The following RXRG variants were observed in gnomAD, a reference collection of about 807,000 sequenced individuals.
RXRG encodes retinoid X receptor gamma, also known as retinoic acid receptor RXR-gamma.
RXRG carries 19 observed loss-of-function variants against 49.2 expected under a neutral mutation model. That is an observed-to-expected ratio of 0.39 (90% CI 0.27 to 0.57). The LOEUF (loss-of-function observed/expected upper bound fraction) is 0.57, where lower values mean the gene tolerates loss of function less well. RXRG is among the 20% of genes least tolerant of loss of function. The probability of loss-of-function intolerance (pLI) is 0.64; values close to 1 mark genes in which losing one functional copy is unlikely to be tolerated. For synonymous variants in RXRG, 224 were observed against 216.6 expected (o/e 1.03, Z -0.30); for missense variants, 452 against 592.5 (o/e 0.76, Z 2.46).
chr1:165,440,060 GC>G (rs1003124323), intron 1 of RXRG, among the ~76,000 whole-genome samples: 58 of 152,280 alleles, frequency 3.8e-4, no homozygotes, highest in African/African-American at 1.3e-3. Flanking sequence ...AGTGAGAAAG[GC>G]CAGGGTCAAA....
At position 165,428,766 on chromosome 1, in the gene RXRG, G is replaced by A. The variant is rs776054493; in HGVS notation, c.250C>T (p.Leu84Phe). ...AAGTTGATTCCTGGAGGCGCTGCAA[G>A]TGCTCCTGAGGGTGGGCCCATGGCA... ...TSAMGPPSGALAAPPGINLVA... is the reference protein window; with the variant it reads ...TSAMGPPSGAFAAPPGINLVA... Residue 84 changes from leucine (L) to phenylalanine (F), a missense_variant, in exon 2 of 10, where the codon CTT becomes TTT. Around this residue, in one of 2 missense-constraint regions of RXRG, gnomAD observed 166 missense variants for 151.7 expected, o/e 1.09. Coordinates refer to ENST00000359842, the MANE Select transcript of RXRG (RefSeq NM_006917.5). 3 of 1,607,340 alleles carry A rather than the reference G, an allele frequency of 1.9e-6. No homozygotes were observed. Among genetic ancestry groups the A allele is most frequent in the Non-Finnish European group, 1.7e-6 (2 of 1,174,490 alleles).
intron 1 of RXRG, among the ~76,000 whole-genome samples, chr1:165,432,210 G>A (rs999924373): frequency 2.0e-5 from 3 of 152,208 alleles, no homozygotes; most frequent in Non-Finnish European, 4.4e-5. Flanking sequence ...ACTGAGAGCA[G>A]TGGTGAGAAT....
At chr1:165,431,190 CTG>C (rs764471244) in intron 1 of RXRG, among the ~76,000 whole-genome samples, 1 of 152,182 alleles carries the variant, frequency 6.6e-6, no homozygotes, top group Non-Finnish European at 1.5e-5. Flanking sequence ...ACGCTCTCCT[CTG>C]TGTTTGTTAT....
At chr1:165,423,284 C>G in intron 2 of RXRG, among the ~76,000 whole-genome samples, 1 of 152,232 alleles carries the variant, frequency 6.6e-6, no homozygotes, top group Non-Finnish European at 1.5e-5. Flanking sequence ...GAAATAAGCA[C>G]TTTAGAGCCG....
chr1:165,410,671 C>T (rs772934849), intron 6 of RXRG, 31 bp downstream of exon 6: 3 of 1,610,564 alleles, frequency 1.9e-6, no homozygotes, highest in Non-Finnish European at 2.5e-6. Flanking sequence ...TCAAAATTGT[C>T]CCAGGAAAAA....
intron 1 of RXRG, among the ~76,000 whole-genome samples, chr1:165,443,567 A>T (rs375669206): frequency 6.6e-6 from 1 of 152,216 alleles, no homozygotes; most frequent in Non-Finnish European, 1.5e-5. Context: ...CACATCATGC[A>T]GTATTATAAT....
chr1:165,408,441 G>T, intron 7 of RXRG, 123 bp from the exon 8 acceptor site: 1 of 689,416 alleles, frequency 1.5e-6, no homozygotes, highest in East Asian at 2.6e-5. Flanking sequence ...CCAGTTACTA[G>T]GGGTACAGAA....
chr1:165,415,783 C>T (rs556312187), intron 4 of RXRG, among the ~76,000 whole-genome samples: 2 of 152,258 alleles, frequency 1.3e-5, no homozygotes, highest in Non-Finnish European at 2.9e-5. Context: ...TTGGGTCTCT[C>T]ACTTTTGAGG....
chr1:165,439,879 G>A (rs1407455703), intron 1 of RXRG, among the ~76,000 whole-genome samples: 1 of 152,220 alleles, frequency 6.6e-6, no homozygotes, highest in Admixed American at 6.5e-5. Context: ...TGAATATGCT[G>A]ATAATAATTC....
chr1:165,421,620 C>T (rs940233432), intron 2 of RXRG, among the ~76,000 whole-genome samples: 1 of 151,744 alleles, frequency 6.6e-6, no homozygotes, highest in Non-Finnish European at 1.5e-5. Flanking sequence ...AACTTCACCT[C>T]CCTGGTTCAA....
At chr1:165,414,228 A>G (rs1347299106) in intron 4 of RXRG, among the ~76,000 whole-genome samples, 5 of 152,020 alleles carry the variant, frequency 3.3e-5, no homozygotes, top group Non-Finnish European at 4.4e-5. Context: ...AATTTTTACT[A>G]CTCAGCTTTT....
At chr1:165,423,527 C>T (rs1272265992) in intron 2 of RXRG, among the ~76,000 whole-genome samples, 1 of 152,192 alleles carries the variant, frequency 6.6e-6, no homozygotes, top group Admixed American at 6.5e-5. Context: ...CACTCCCGTT[C>T]CAGGGAGCAG....
intron 9 of RXRG, among the ~76,000 whole-genome samples, chr1:165,403,554 T>C (rs1657651746): frequency 6.6e-6 from 1 of 152,226 alleles, no homozygotes. Context: ...TAAAGATCTA[T>C]GCCAATGCTA....
chr1:165,440,834 G>T (rs1002009104), intron 1 of RXRG, among the ~76,000 whole-genome samples: 1 of 152,172 alleles, frequency 6.6e-6, no homozygotes, highest in African/African-American at 2.4e-5. Context: ...AAGAGGTGGG[G>T]CATTTAGATT....
intron 1 of RXRG, among the ~76,000 whole-genome samples, chr1:165,442,053 C>T (rs1438124361): frequency 1.3e-5 from 2 of 152,184 alleles, no homozygotes; most frequent in African/African-American, 4.8e-5. Flanking sequence ...CCTGGAGATT[C>T]TTATACAAAT....
intron 1 of RXRG, among the ~76,000 whole-genome samples, chr1:165,443,628 C>T (rs982988274): frequency 6.6e-6 from 1 of 152,194 alleles, no homozygotes; most frequent in African/African-American, 2.4e-5. Flanking sequence ...GACTGTGTCT[C>T]ATTCATATTT....
chr1:165,406,776 G>T, intron 9 of RXRG, 36 bp downstream of exon 9: 1 of 1,429,274 alleles, frequency 7.0e-7, no homozygotes. Flanking sequence ...GGGAGTAGTT[G>T]CTGCTGTTAC....
intron 9 of RXRG, among the ~76,000 whole-genome samples, chr1:165,404,629 G>T (rs370081879): frequency 6.6e-6 from 1 of 152,050 alleles, no homozygotes; most frequent in Non-Finnish European, 1.5e-5. Context: ...ATCTAGAAAT[G>T]CATACATGAC....
intron 1 of RXRG, among the ~76,000 whole-genome samples, chr1:165,441,055 C>T (rs932367142): frequency 6.6e-6 from 1 of 152,226 alleles, no homozygotes; most frequent in South Asian, 2.1e-4. Context: ...TATGTTCTAG[C>T]ATATACACAC....
Sources: allele counts gnomAD v4.1 joint callset (sites outside exome capture counted in the v4.1 genomes callset), GRCh38; gene constraint gnomAD v4.1.1; regional missense constraint gnomAD v4.1.1; transcripts MANE v1.5; gene names NCBI Gene and HGNC (gene_info 2026-07-23, HGNC 2026-07-21).